The following CNTNAP5 variants were observed in gnomAD, a reference collection of about 807,000 sequenced individuals.
CNTNAP5 encodes the protein contactin associated protein family member 5, also known as contactin-associated protein-like 5.
Under a neutral mutation model 150.2 loss-of-function variants are expected in CNTNAP5, and 72 were observed. The observed-to-expected ratio is 0.48, with a 90% CI of 0.40 to 0.58. The LOEUF is 0.58. Ranked by LOEUF, CNTNAP5 falls within the 20% of genes least tolerant of loss-of-function variation. CNTNAP5 has a pLI of 0.00. For synonymous variants in CNTNAP5, 672 were observed against 619.8 expected, an observed-to-expected ratio of 1.08 and a Z score of -1.25; for missense variants, 1,636 against 1,626.2, an observed-to-expected ratio of 1.01 and a Z score of -0.10.
At chr2:124,433,958 T>C (rs1692457965) in intron 4 of CNTNAP5, among the ~76,000 whole-genome samples, 1 of 152,230 alleles carries the variant, frequency 6.6e-6, no homozygotes, top group African/African-American at 2.4e-5. Context: ...ATAACAAGTC[T>C]TCTTTTGCTG....
intron 21 of CNTNAP5, among the ~76,000 whole-genome samples, chr2:124,893,164 G>A (rs2104750138): frequency 6.6e-6 from 1 of 152,206 alleles, no homozygotes; most frequent in Admixed American, 6.5e-5. Flanking sequence ...GGTTCACAGA[G>A]GCTGGGTTCA....
intron 3 of CNTNAP5, among the ~76,000 whole-genome samples, chr2:124,317,543 C>A (rs1008166706): frequency 6.6e-6 from 1 of 152,100 alleles, no homozygotes; most frequent in African/African-American, 2.4e-5. Flanking sequence ...TCTCAAAGGG[C>A]ATTTAGAACA....
At chr2:124,099,628 C>A (rs1683018761) in intron 1 of CNTNAP5, among the ~76,000 whole-genome samples, 1 of 152,064 alleles carries the variant, frequency 6.6e-6, no homozygotes, top group Non-Finnish European at 1.5e-5. Flanking sequence ...TGAAACTGGG[C>A]AATTTATGAA....
chr2:124,874,709 T>C (rs1056910737), intron 21 of CNTNAP5, among the ~76,000 whole-genome samples: 3 of 152,062 alleles, frequency 2.0e-5, no homozygotes, highest in African/African-American at 4.8e-5. Context: ...TTTAAACATA[T>C]GGAAACAGGT....
rs148870947 is a variant in CNTNAP5, at chr2:124,546,589, G to A, written c.1650-16628G>A. Among the ~76,000 whole-genome samples the A allele has an allele frequency of 4.1e-3, 624 of 152,266 alleles. 1 individual carries two copies. Among genetic ancestry groups the A allele is most frequent in the African/African-American group, 0.014 (593 of 41,548 alleles). ...CTTGGGCTGCTCATTGTGGGCAGTG[G>A]GGCAGCAACTCTGGGAGGTAGTTGG... On this transcript the variant is annotated intron_variant, in intron 10 of 23. Coordinates refer to ENST00000682447, the MANE Select transcript of CNTNAP5 (RefSeq NM_001367498.1).
intron 1 of CNTNAP5, among the ~76,000 whole-genome samples, chr2:124,206,598 G>A (rs1685869324): frequency 6.6e-6 from 1 of 152,138 alleles, no homozygotes; most frequent in Non-Finnish European, 1.5e-5. Context: ...GTAAGATGAG[G>A]GATAGCTAGA....
chr2:124,566,657 C>A (rs1696031867), intron 11 of CNTNAP5, among the ~76,000 whole-genome samples: 1 of 152,208 alleles, frequency 6.6e-6, no homozygotes, highest in African/African-American at 2.4e-5. Context: ...AAATCAAAAT[C>A]CCTTGAATAT....
chr2:124,826,541 T>G (rs1027548195), intron 19 of CNTNAP5, among the ~76,000 whole-genome samples: 7 of 152,092 alleles, frequency 4.6e-5, no homozygotes, highest in Non-Finnish European at 1.0e-4. Context: ...TCCCCTGTCT[T>G]TTGCTCCAGG....
intron 2 of CNTNAP5, among the ~76,000 whole-genome samples, chr2:124,224,627 A>AAT (rs1168968256): frequency 6.6e-6 from 1 of 152,034 alleles, no homozygotes; most frequent in Non-Finnish European, 1.5e-5. Flanking sequence ...TAGTAGGATG[A>AAT]ATATATATGT....
chr2:124,250,647 G>A (rs1687148545), intron 3 of CNTNAP5, among the ~76,000 whole-genome samples: 1 of 151,922 alleles, frequency 6.6e-6, no homozygotes, highest in African/African-American at 2.4e-5. Flanking sequence ...CAGCATACAG[G>A]GGAGCTGGAG....
intron 3 of CNTNAP5, among the ~76,000 whole-genome samples, chr2:124,251,115 C>T (rs1295174311): frequency 2.0e-5 from 3 of 152,118 alleles, no homozygotes; most frequent in Non-Finnish European, 4.4e-5. Context: ...GCCTTGTAAC[C>T]AAAGGACCGT....
intron 13 of CNTNAP5, among the ~76,000 whole-genome samples, chr2:124,668,114 G>A (rs1053340737): frequency 3.3e-5 from 5 of 152,182 alleles, no homozygotes; most frequent in African/African-American, 7.2e-5. Context: ...GGAATTCCCT[G>A]GCCCTGTAAG....
chr2:124,457,051 A>G lies in CNTNAP5; in HGVS notation c.918+10114A>G, dbSNP rs534817060. Among the ~76,000 whole-genome samples, 6 of 152,338 alleles carry G rather than the reference A, an allele frequency of 3.9e-5. No homozygotes were observed. The East Asian group carries it at 1.2e-3, about 29-fold the overall frequency. On this transcript the variant is annotated intron_variant, in intron 6 of 23. Coordinates refer to ENST00000682447, the MANE Select transcript of CNTNAP5 (RefSeq NM_001367498.1). ...ACCAAAAAGTAAATGTAATTTAAAC[A>G]AAGATAAATAGCTGGAACTTAATTA...
intron 1 of CNTNAP5, among the ~76,000 whole-genome samples, chr2:124,130,867 A>G (rs146395351): frequency 2.1e-3 from 313 of 152,348 alleles, no homozygotes; most frequent in African/African-American, 7.1e-3. Context: ...TTGAATGAAT[A>G]TATACAGAAT....
chr2:124,399,002 T>A (rs1691334438), intron 3 of CNTNAP5, among the ~76,000 whole-genome samples: 1 of 152,236 alleles, frequency 6.6e-6, no homozygotes, highest in African/African-American at 2.4e-5. Context: ...CCAGTAATTC[T>A]GTCTCAATTT....
chr2:124,288,543 G>T (rs995989438), intron 3 of CNTNAP5, among the ~76,000 whole-genome samples: 3 of 152,068 alleles, frequency 2.0e-5, no homozygotes, highest in African/African-American at 7.2e-5. Flanking sequence ...TGGTGTCATG[G>T]AAGATCTATA....
chr2:124,736,982 G>T lies in CNTNAP5; in HGVS notation c.2078-10247G>T, dbSNP rs1242618929. ...AAAATAAACAAAAATAATGATTTCA[G>T]GTTGTAGTCAGTACTCTTAAGAACA... On this transcript the variant is annotated intron_variant, in intron 13 of 23. Transcript: ENST00000682447. Among the ~76,000 whole-genome samples the T allele has an allele frequency of 2.6e-5, 4 of 152,032 alleles. No homozygotes were observed. The East Asian group carries it at 7.7e-4, about 29-fold the overall frequency.
At chr2:124,518,308 A>G (rs780075056) in intron 8 of CNTNAP5, among the ~76,000 whole-genome samples, 4 of 152,228 alleles carry the variant, frequency 2.6e-5, no homozygotes, top group Non-Finnish European at 5.9e-5. Flanking sequence ...CTAGAAAGAT[A>G]TATCAAAGTA....
At chr2:124,115,039 G>A (rs1015579324) in intron 1 of CNTNAP5, among the ~76,000 whole-genome samples, 1 of 151,788 alleles carries the variant, frequency 6.6e-6, no homozygotes, top group Non-Finnish European at 1.5e-5. Context: ...CTATAATGAT[G>A]TTATGATAAT....
Sources: allele counts gnomAD v4.1 joint callset (sites outside exome capture counted in the v4.1 genomes callset), GRCh38; gene constraint gnomAD v4.1.1; transcripts MANE v1.5; gene names NCBI Gene and HGNC (gene_info 2026-07-23, HGNC 2026-07-21).